Variants in NAV3 observed in about 807,000 individuals in gnomAD.
NAV3 encodes the protein neuron navigator 3.
NAV3 carries 87 observed loss-of-function variants against 244.7 expected under a neutral mutation model. The ratio of observed to expected loss-of-function variants is 0.36; its 90% CI spans 0.30 to 0.42. The LOEUF is 0.42. NAV3 is among the 20% of genes least tolerant of loss of function. The pLI is 1.00. For synonymous variants in NAV3, 1,126 were observed against 1,042.2 expected (o/e 1.08, Z -1.55); for missense variants, 2,663 against 2,893.3 (o/e 0.92, Z 1.83).
At chr12:78,046,333 C>G (rs1489769370) in intron 9 of NAV3, among the ~76,000 whole-genome samples, 2 of 152,148 alleles carry the variant, frequency 1.3e-5, no homozygotes, top group East Asian at 3.9e-4. Context: ...AGGTGTTGAT[C>G]TTTAGATATT....
intron 2 of NAV3, among the ~76,000 whole-genome samples, chr12:77,731,103 C>G (rs1228607153): frequency 6.6e-6 from 1 of 151,780 alleles, no homozygotes; most frequent in African/African-American, 2.4e-5. Flanking sequence ...GGGAATAAAT[C>G]AAGAATGAAG....
At chr12:78,093,493 C>G (rs986494600) in intron 12 of NAV3, among the ~76,000 whole-genome samples, 1 of 152,032 alleles carries the variant, frequency 6.6e-6, no homozygotes, top group Non-Finnish European at 1.5e-5. Flanking sequence ...TAGGGCATGA[C>G]GTTGTAATGG....
intron 2 of NAV3, among the ~76,000 whole-genome samples, chr12:77,813,191 A>G (rs935001573): frequency 1.6e-4 from 25 of 152,330 alleles, no homozygotes; most frequent in African/African-American, 4.8e-4. Flanking sequence ...TAGAGTTTAC[A>G]TACAAGCAAG....
chr12:77,581,311 G>A (rs1306715048), intron 2 of NAV3, among the ~76,000 whole-genome samples: 2 of 152,112 alleles, frequency 1.3e-5, no homozygotes, highest in African/African-American at 4.8e-5. Flanking sequence ...ATCTGGGAAT[G>A]TCAGTTCCAA....
intron 2 of NAV3, among the ~76,000 whole-genome samples, chr12:77,697,561 A>C (rs770531): frequency 0.88 from 133,278 of 152,186 alleles, 59,186 homozygotes; most frequent in East Asian, 1. Context: ...ATATCTTTTT[A>C]ATTTTACATT....
intron 2 of NAV3, among the ~76,000 whole-genome samples, chr12:77,615,496 T>G (rs1871112686): frequency 6.6e-6 from 1 of 152,170 alleles, no homozygotes; most frequent in Non-Finnish European, 1.5e-5. Context: ...TGTGTTAGTT[T>G]GCATAGGATA....
At position 77,618,341 on chromosome 12, in the gene NAV3, A is replaced by G. The variant is rs552229913; in HGVS notation, c.72+46075A>G. Among the ~76,000 whole-genome samples the G allele has an allele frequency of 7.2e-5, 11 of 152,346 alleles. No individual in the cohort carries two copies. The South Asian group carries it at 2.3e-3, about 32-fold the overall frequency. ...GTTACCCTGAGCAATAGTCAACTAT[A>G]CAGTACTTCATTGGAATGATTTTAA... is the stretch of plus-strand genomic sequence containing the variant. On this transcript the variant is annotated intron_variant, in intron 2 of 8. Coordinates refer to the NAV3 transcript ENST00000550042.
intron 2 of NAV3, among the ~76,000 whole-genome samples, chr12:77,610,746 C>A (rs1870875051): frequency 1.3e-5 from 2 of 152,046 alleles, no homozygotes. Flanking sequence ...AAGCAAAGTT[C>A]TGCTGAGTAG....
rs138879488 is a variant in NAV3 at position 77,822,273 on chromosome 12, A to G, written c.73-118046A>G. Among the ~76,000 whole-genome samples the G allele has an allele frequency of 1.3e-3, 197 of 152,290 alleles. 2 individuals are homozygous for G. Among genetic ancestry groups the G allele is most frequent in the African/African-American group, 4.6e-3 (191 of 41,572 alleles). The stretch of plus-strand genomic sequence containing the variant: ...GAGAAGTTCCTCGTTTTAGGTGGAC[A>G]TTGTGTGCATTCTTTAAAAATCCGT... On this transcript the variant is annotated intron_variant, in intron 2 of 8. Coordinates refer to the NAV3 transcript ENST00000550042.
chr12:78,048,241 A>G (rs1292047893), intron 9 of NAV3, among the ~76,000 whole-genome samples: 3 of 152,066 alleles, frequency 2.0e-5, no homozygotes, highest in African/African-American at 7.2e-5. Flanking sequence ...TACTCTGTCC[A>G]GTTCTGTTCC....
chr12:77,855,396 G>A (rs569382920), intron 1 of NAV3, among the ~76,000 whole-genome samples: 2 of 152,140 alleles, frequency 1.3e-5, no homozygotes, highest in African/African-American at 4.8e-5. Flanking sequence ...ATGAAAGAAG[G>A]TCAGTTTGAC....
At chr12:78,200,115 A>T (rs17045002) in intron 37 of NAV3, among the ~76,000 whole-genome samples, 5,032 of 152,166 alleles carry the variant, frequency 0.033, 100 homozygotes, top group South Asian at 0.055. Flanking sequence ...CTACACTGGG[A>T]CCAGAACACT....
chr12:78,062,845 A>T (rs1884505312), intron 12 of NAV3, among the ~76,000 whole-genome samples: 1 of 152,170 alleles, frequency 6.6e-6, no homozygotes, highest in Non-Finnish European at 1.5e-5. Flanking sequence ...TGGGTAAATG[A>T]TAAGGCTTGC....
intron 33 of NAV3, among the ~76,000 whole-genome samples, chr12:78,189,393 A>G (rs1161278990): frequency 6.6e-6 from 1 of 151,796 alleles, no homozygotes; most frequent in Non-Finnish European, 1.5e-5. Flanking sequence ...AAGGTAATTG[A>G]GTTCGTAAAA....
At chr12:78,054,893 G>A (rs1327648176) in intron 11 of NAV3, among the ~76,000 whole-genome samples, 1 of 152,042 alleles carries the variant, frequency 6.6e-6, no homozygotes, top group Non-Finnish European at 1.5e-5. Context: ...TGGAGACGGT[G>A]AGATATGAAG....
At chr12:77,851,185 C>G (rs1433248199) in intron 1 of NAV3, among the ~76,000 whole-genome samples, 2 of 152,140 alleles carry the variant, frequency 1.3e-5, no homozygotes, top group African/African-American at 4.8e-5. Context: ...TGCTCTTTGA[C>G]CTATCTTGAA....
intron 7 of NAV3, among the ~76,000 whole-genome samples, chr12:78,005,879 A>G (rs572045246): frequency 1.2e-3 from 189 of 152,308 alleles, no homozygotes; most frequent in African/African-American, 3.8e-3. Flanking sequence ...TATTCATATT[A>G]TATTCATTAT....
At chr12:77,924,705 C>G (rs543344215) in intron 1 of NAV3, among the ~76,000 whole-genome samples, 52 of 151,966 alleles carry the variant, frequency 3.4e-4, no homozygotes, top group Non-Finnish European at 6.8e-4. Flanking sequence ...GTTTCTGTGT[C>G]TCAATGCAAT....
chr12:77,867,695 C>T (rs549786611), intron 1 of NAV3, among the ~76,000 whole-genome samples: 2 of 152,294 alleles, frequency 1.3e-5, no homozygotes, highest in South Asian at 2.1e-4. Context: ...GCTGGGATTA[C>T]AGGCGTGAAC....
Sources: allele counts gnomAD v4.1 joint callset (sites outside exome capture counted in the v4.1 genomes callset), GRCh38; gene constraint gnomAD v4.1.1; transcripts MANE v1.5; gene names NCBI Gene and HGNC (gene_info 2026-07-23, HGNC 2026-07-21).